The following HDAC9 variants were observed in gnomAD, a reference collection of about 807,000 sequenced individuals.
HDAC9 encodes the protein histone deacetylase 9.
In HDAC9, 41 loss-of-function variants were observed where a neutral mutation model predicts 139.4. That is an observed-to-expected ratio of 0.29 (90% CI 0.23 to 0.38). The LOEUF is 0.38. Among genes scored for constraint, HDAC9 ranks in the 10% least tolerant of loss-of-function variants. HDAC9 has a pLI of 1.00. For synonymous variants in HDAC9, 517 were observed against 476.2 expected (o/e 1.09, Z -1.12); for missense variants, 1,147 against 1,297.0 (o/e 0.88, Z 1.78).
intron 2 of HDAC9, among the ~76,000 whole-genome samples, chr7:18,497,565 A>T (rs1195811787): frequency 6.6e-6 from 1 of 152,204 alleles, no homozygotes; most frequent in African/African-American, 2.4e-5. Context: ...GACAGGAATT[A>T]TGTTAATGAA....
chr7:18,273,799 T>C (rs1354519151), intron 2 of HDAC9, among the ~76,000 whole-genome samples: 1 of 152,120 alleles, frequency 6.6e-6, no homozygotes, highest in African/African-American at 2.4e-5. Context: ...CAAATAAGAA[T>C]AGTTAATCCT....
intron 2 of HDAC9, among the ~76,000 whole-genome samples, chr7:18,245,955 T>G (rs1334439130): frequency 6.6e-6 from 1 of 151,844 alleles, no homozygotes; most frequent in African/African-American, 2.4e-5. Context: ...CTGGGAACAC[T>G]GAAGAGCATT....
At chr7:18,658,236 T>G (rs1002834357) in intron 11 of HDAC9, among the ~76,000 whole-genome samples, 5 of 152,124 alleles carry the variant, frequency 3.3e-5, no homozygotes, top group African/African-American at 1.2e-4. Flanking sequence ...CTTGCTTGAT[T>G]GACCTTTCTT....
At chr7:18,858,686 G>C (rs1383624120) in intron 21 of HDAC9, among the ~76,000 whole-genome samples, 1 of 152,134 alleles carries the variant, frequency 6.6e-6, no homozygotes, top group African/African-American at 2.4e-5. Context: ...TAACTAGTCA[G>C]AGTATATTTT....
intron 1 of HDAC9, among the ~76,000 whole-genome samples, chr7:18,431,023 TCC>T (rs1790598277): frequency 4.0e-5 from 1 of 25,096 alleles, no homozygotes; most frequent in Non-Finnish European, 1.1e-4. Context: ...TCTTGTCCTG[TCC>T]TGTCCTGTCC....
intron 16 of HDAC9, among the ~76,000 whole-genome samples, chr7:18,787,470 G>T (rs1202810700): frequency 6.6e-6 from 1 of 152,160 alleles, no homozygotes; most frequent in African/African-American, 2.4e-5. Flanking sequence ...AGGCCTCTGT[G>T]GACCTATTTC....
intron 2 of HDAC9, among the ~76,000 whole-genome samples, chr7:18,231,509 G>T (rs1349576967): frequency 2.0e-5 from 3 of 150,268 alleles, no homozygotes; most frequent in African/African-American, 7.6e-5. Context: ...ATCCCTTAAA[G>T]TGAGAAAATG....
intron 11 of HDAC9, among the ~76,000 whole-genome samples, chr7:18,663,270 A>G (rs1793767671): frequency 6.6e-6 from 1 of 152,054 alleles, no homozygotes; most frequent in Non-Finnish European, 1.5e-5. Context: ...GGACAAAACC[A>G]TTGGAGGTTA....
chr7:18,908,042 A>T (rs1802419410), intron 22 of HDAC9, among the ~76,000 whole-genome samples: 1 of 152,130 alleles, frequency 6.6e-6, no homozygotes, highest in Admixed American at 6.5e-5. Context: ...AATATAGTAG[A>T]AAAACACTTT....
chr7:18,123,612 C>T (rs961103172), intron 1 of HDAC9, among the ~76,000 whole-genome samples: 2 of 152,092 alleles, frequency 1.3e-5, no homozygotes, highest in African/African-American at 4.8e-5. Flanking sequence ...ATTTTAAAGT[C>T]CTCCTGCCAT....
At chr7:18,386,949 C>T (rs567680436) in intron 1 of HDAC9, among the ~76,000 whole-genome samples, 2 of 152,184 alleles carry the variant, frequency 1.3e-5, no homozygotes, top group Non-Finnish European at 2.9e-5. Context: ...ATTTTCTTCA[C>T]CTCCCGCAAT....
At chr7:18,172,064 C>G (rs951261441) in intron 2 of HDAC9, among the ~76,000 whole-genome samples, 1 of 152,116 alleles carries the variant, frequency 6.6e-6, no homozygotes, top group Non-Finnish European at 1.5e-5. Context: ...GCTGTGAATT[C>G]GTCTGGTTCT....
At chr7:18,863,524 A>G (rs1230519784) in intron 21 of HDAC9, among the ~76,000 whole-genome samples, 1 of 152,224 alleles carries the variant, frequency 6.6e-6, no homozygotes, top group Non-Finnish European at 1.5e-5. Flanking sequence ...TTCGTCTTCT[A>G]ATGTGGCCCA....
At chr7:18,932,598 GA>G (rs1804842333) in intron 22 of HDAC9, among the ~76,000 whole-genome samples, 1 of 152,058 alleles carries the variant, frequency 6.6e-6, no homozygotes, top group African/African-American at 2.4e-5. Context: ...TTGGGCCTAA[GA>G]AGGGGAGGGA....
intron 22 of HDAC9, among the ~76,000 whole-genome samples, chr7:18,933,297 C>T (rs915212445): frequency 6.6e-6 from 1 of 152,062 alleles, no homozygotes; most frequent in Non-Finnish European, 1.5e-5. Context: ...AACTAGAGGA[C>T]TCTGGGTCCT....
At chr7:18,302,658 T>G (rs1798618645) in intron 1 of HDAC9, among the ~76,000 whole-genome samples, 1 of 152,238 alleles carries the variant, frequency 6.6e-6, no homozygotes, top group African/African-American at 2.4e-5. Context: ...CTTCATTTGT[T>G]TCAGTTTCTT....
intron 2 of HDAC9, among the ~76,000 whole-genome samples, chr7:18,249,093 TA>T (rs1194058901): frequency 1.3e-5 from 2 of 152,184 alleles, no homozygotes; most frequent in East Asian, 1.9e-4. Flanking sequence ...CCAAAGCTCA[TA>T]AAAAAATCCT....
rs565805119 is a variant in HDAC9, at chr7:18,705,663, C to A, written c.1732-21917C>A. Among the ~76,000 whole-genome samples the A allele has an allele frequency of 2.0e-5, 3 of 151,836 alleles. No homozygotes were observed. The East Asian group carries it at 5.8e-4, about 30-fold the overall frequency. On this transcript the variant is annotated intron_variant, in intron 12 of 25. Coordinates refer to ENST00000686413, the MANE Select transcript of HDAC9 (RefSeq NM_178425.4). ...GTCAGGGGTTCAAGAGCAGCCTGGC[C>A]AACATGCCGAAACCCCGTTTCTACT...
intron 1 of HDAC9, among the ~76,000 whole-genome samples, chr7:18,103,051 G>A (rs972518683): frequency 6.6e-6 from 1 of 152,158 alleles, no homozygotes; most frequent in African/African-American, 2.4e-5. Flanking sequence ...TCCACATTGC[G>A]GGGGAGGCCT....
Sources: allele counts gnomAD v4.1 joint callset (sites outside exome capture counted in the v4.1 genomes callset), GRCh38; gene constraint gnomAD v4.1.1; transcripts MANE v1.5; gene names NCBI Gene and HGNC (gene_info 2026-07-23, HGNC 2026-07-21).